The following OTULINL variants were observed in gnomAD, a reference collection of about 807,000 sequenced individuals.
The protein encoded by OTULINL is OTU deubiquitinase with linear linkage specificity like, also known as inactive ubiquitin thioesterase OTULINL.
OTULINL carries 42 observed loss-of-function variants against 43.9 expected under a neutral mutation model. The observed-to-expected ratio is 0.96, with a 90% CI of 0.75 to 1.24. The LOEUF (loss-of-function observed/expected upper bound fraction) is 1.24. OTULINL is among the 50% of genes most tolerant of loss of function. The pLI is 0.00. For missense variants in OTULINL, 411 were observed against 426.4 expected (o/e 0.96, Z 0.32); for synonymous variants, 172 against 153.6 (o/e 1.12, Z -0.88).
At chr5:14,587,350 G>A (rs1759124769) in intron 1 of OTULINL, among the ~76,000 whole-genome samples, 1 of 152,244 alleles carries the variant, frequency 6.6e-6, no homozygotes, top group African/African-American at 2.4e-5. Context: ...ATAGGAAGGG[G>A]AAGTGGAAGA....
intron 1 of OTULINL, among the ~76,000 whole-genome samples, chr5:14,582,837 A>AAAT (rs1759035301): frequency 6.9e-6 from 1 of 145,262 alleles, no homozygotes; most frequent in Non-Finnish European, 1.5e-5. Flanking sequence ...AAAAAAAAAA[A>AAAT]AATCACCCGA....
intron 1 of OTULINL, among the ~76,000 whole-genome samples, chr5:14,595,084 T>A (rs532766843): frequency 6.6e-6 from 1 of 152,318 alleles, no homozygotes; most frequent in South Asian, 2.1e-4. Flanking sequence ...TTCTTCACTT[T>A]CTCTGCGACC....
At chr5:14,609,065 C>T in intron 7 of OTULINL, 48 bp downstream of exon 7, 1 of 1,569,792 alleles carries the variant, frequency 6.4e-7, no homozygotes, top group South Asian at 1.2e-5. Context: ...GATGCTGTGG[C>T]ACTATTTGAA....
intron 1 of OTULINL, 103 bp downstream of exon 1, chr5:14,582,061 C>T: frequency 1.2e-6 from 1 of 838,900 alleles, no homozygotes; most frequent in Non-Finnish European, 1.6e-6. Context: ...CGGCGGCCAC[C>T]TTCGCTGCCT....
At chr5:14,600,764 T>G (rs1415632990) in intron 1 of OTULINL, among the ~76,000 whole-genome samples, 1 of 152,196 alleles carries the variant, frequency 6.6e-6, no homozygotes. Context: ...TGGTGCTGAT[T>G]ATGGGAGAAC....
chr5:14,592,373 G>T (rs1404312203), intron 1 of OTULINL, among the ~76,000 whole-genome samples: 1 of 152,224 alleles, frequency 6.6e-6, no homozygotes, highest in Non-Finnish European at 1.5e-5. Flanking sequence ...TTACTCAGGG[G>T]AAGGCAGTAA....
intron 1 of OTULINL, among the ~76,000 whole-genome samples, chr5:14,586,119 T>A (rs1005278838): frequency 6.6e-6 from 1 of 152,264 alleles, no homozygotes; most frequent in Non-Finnish European, 1.5e-5. Flanking sequence ...GGTTAGTAAA[T>A]CCTTCCATTC....
At chr5:14,593,292 G>A (rs561162423) in intron 1 of OTULINL, among the ~76,000 whole-genome samples, 1 of 152,314 alleles carries the variant, frequency 6.6e-6, no homozygotes, top group Non-Finnish European at 1.5e-5. Context: ...GACAGATGGT[G>A]GGAGATGGTA....
rs1759632694 is a variant in OTULINL, at chr5:14,614,275, A to G, written c.*3961A>G. Among the ~76,000 whole-genome samples the G allele has an allele frequency of 6.6e-6, 1 of 152,228 alleles. No homozygotes were observed. Among genetic ancestry groups the G allele is most frequent in the Non-Finnish European group, 1.5e-5 (1 of 68,044 alleles). On this transcript the variant is annotated 3_prime_UTR_variant, in exon 8 of 8. Transcript: ENST00000274217. ...ATAGGGTTGCTTGTCATAGTTGAAC[A>G]TTATTTAATTAACTTATTGACTATA...
chr5:14,608,607 C>A, intron 6 of OTULINL, 141 bp from the exon 7 acceptor site: 1 of 694,990 alleles, frequency 1.4e-6, no homozygotes, highest in Non-Finnish European at 2.3e-6. Flanking sequence ...TCAAACAGTG[C>A]CGAAAGATAG....
At chr5:14,585,384 TCTA>T (rs1476515702) in intron 1 of OTULINL, among the ~76,000 whole-genome samples, 1 of 152,192 alleles carries the variant, frequency 6.6e-6, no homozygotes, top group Non-Finnish European at 1.5e-5. Flanking sequence ...CTATTGTACT[TCTA>T]CTCTTACATT....
rs948866157 is a variant in OTULINL, at chr5:14,612,078, C to T, written c.*1764C>T. 2 of 152,194 alleles carry T rather than the reference C, an allele frequency of 1.3e-5. No homozygotes were observed. The highest frequency in any genetic ancestry group is 6.5e-5 in the Admixed American group (1 of 15,272). 9.4% of individuals were successfully genotyped at this position (152,194 alleles called of 1,614,324 possible). A position where few individuals can be genotyped will look rare whatever the true frequency, so the allele number is the denominator to read the frequency against. On this transcript the variant is annotated 3_prime_UTR_variant, in exon 8 of 8. Transcript: ENST00000274217. The stretch of plus-strand genomic sequence containing the variant: ...GAGTTCTTCATTGACCTCTACAGTC[C>T]CTGCCTGTTTGGAAACATCTATGGT...
intron 1 of OTULINL, among the ~76,000 whole-genome samples, chr5:14,584,105 A>C (rs1032689728): frequency 1.3e-5 from 2 of 152,230 alleles, no homozygotes; most frequent in Non-Finnish European, 2.9e-5. Flanking sequence ...AGAAGTGGTC[A>C]TAGAGTGGAA....
At chr5:14,593,988 G>A (rs572853675) in intron 1 of OTULINL, among the ~76,000 whole-genome samples, 2 of 152,322 alleles carry the variant, frequency 1.3e-5, no homozygotes, top group African/African-American at 4.8e-5. Context: ...TGATCTTGTA[G>A]TTGTTGGTTA....
At chr5:14,600,571 C>T (rs899497514) in intron 1 of OTULINL, among the ~76,000 whole-genome samples, 2 of 152,170 alleles carry the variant, frequency 1.3e-5, no homozygotes, top group Non-Finnish European at 2.9e-5. Context: ...TTTGTTCCAC[C>T]TTTCCCTAGC....
At chr5:14,609,173 T>A (rs1427519231) in intron 7 of OTULINL, among the ~76,000 whole-genome samples, 156 bp downstream of exon 7, 1 of 152,174 alleles carries the variant, frequency 6.6e-6, no homozygotes, top group Non-Finnish European at 1.5e-5. Flanking sequence ...AAAAGAAGAC[T>A]AATAAATGCA....
At position 14,610,200 on chromosome 5, in the gene OTULINL, C is replaced by G. The variant is rs16903574; in HGVS notation, c.957C>G (p.Phe319Leu). Residue 319 changes from phenylalanine to leucine, a missense_variant, in exon 8 of 8, where the codon TTC becomes TTG. Coordinates refer to ENST00000274217, the MANE Select transcript of OTULINL (RefSeq NM_019018.3). ...LEVKIKVFRL[F>L]KFNSRDFEVC... ...TAAAGATAAAAGTGTTCAGACTGTT[C>G]AAGTTTAACTCCAGAGACTTTGAAG... 0.068 allele frequency: 109,581 copies of G among 1,613,676 alleles called. 4,421 individuals are homozygous for G. The highest frequency in any genetic ancestry group is 0.078 in the Non-Finnish European group (92,030 of 1,179,622).
Position 14,612,158 on chromosome 5 carries a change from GT to G in OTULINL, c.*1846del, listed in dbSNP as rs1759593295. On this transcript the variant is annotated 3_prime_UTR_variant, in exon 8 of 8. Transcript: ENST00000274217. ...GTGTTAGAAGATATCCCCCTGATGT[GT>G]TACTGTAACCAAGAAAGCATGAACG... 1 of 152,202 alleles carries G rather than the reference GT, an allele frequency of 6.6e-6. No individual in the cohort carries two copies. 9.4% of individuals were successfully genotyped at this position (152,202 alleles called of 1,614,324 possible).
At position 14,592,194 on chromosome 5, in the gene OTULINL, G is replaced by T. The variant is rs1759216750; in HGVS notation, c.65-8771G>T. Among the ~76,000 whole-genome samples the T allele has an allele frequency of 2.0e-5, 3 of 152,232 alleles. No homozygotes were observed. The South Asian group carries it at 6.2e-4, about 32-fold the overall frequency. On this transcript the variant is annotated intron_variant, in intron 1 of 7. Coordinates refer to ENST00000274217, the MANE Select transcript of OTULINL (RefSeq NM_019018.3). ...ACACCCAGGACATTGTGTTTGACCT[G>T]GGGTCTCACATTAAGTGTGGAATGA...
Sources: gnomAD v4.1 joint callset for allele counts (sites outside exome capture counted in the v4.1 genomes callset) on GRCh38, gnomAD v4.1.1 for gene constraint, MANE v1.5 for transcripts, NCBI Gene and HGNC (gene_info 2026-07-23, HGNC 2026-07-21) for gene names.